The following ASTN2 variants were observed in gnomAD, a reference collection of about 807,000 sequenced individuals.
ASTN2 encodes the protein astrotactin-2.
ASTN2 carries 54 observed loss-of-function variants against 139.8 expected under a neutral mutation model. The observed-to-expected ratio is 0.39, with a 90% CI of 0.31 to 0.48. The LOEUF is 0.48. ASTN2 is among the 20% of genes least tolerant of loss of function. The probability of loss-of-function intolerance (pLI) is 0.95; values close to 1 mark genes in which losing one functional copy is unlikely to be tolerated. For synonymous variants in ASTN2, 756 were observed against 719.5 expected (o/e 1.05, Z -0.81); for missense variants, 1,565 against 1,725.1 (o/e 0.91, Z 1.64).
At position 116,425,591 on chromosome 9, in the gene ASTN2, T is replaced by G. The variant is rs868701077; in HGVS notation, c.*260A>C. On this transcript the variant is annotated 3_prime_UTR_variant, in exon 23 of 23. Transcript: ENST00000313400. Reference sequence around the variant, plus strand: ...TGACAGCCATCCATAAGAAAAGGTTTAAAAAGGAGAGACTTTTGATAGAGT... The same window carrying G: ...TGACAGCCATCCATAAGAAAAGGTTGAAAAAGGAGAGACTTTTGATAGAGT... 18 of 1,613,308 alleles carry G rather than the reference T, an allele frequency of 1.1e-5. No individual in the cohort carries two copies. The Admixed American group carries it at 2.8e-4, about 25-fold the overall frequency.
chr9:117,078,056 G>C (rs569079863), intron 5 of ASTN2, among the ~76,000 whole-genome samples: 1 of 152,142 alleles, frequency 6.6e-6, no homozygotes, highest in Non-Finnish European at 1.5e-5. Flanking sequence ...CTTCTGTAAA[G>C]AGTCAATGCG....
At chr9:117,048,965 T>A (rs2132664551) in intron 5 of ASTN2, among the ~76,000 whole-genome samples, 1 of 128,348 alleles carries the variant, frequency 7.8e-6, no homozygotes, top group Non-Finnish European at 1.7e-5. Flanking sequence ...ATCCATTGCT[T>A]TTTTTTTTTT....
chr9:117,237,991 G>T (rs1833094413), intron 2 of ASTN2, among the ~76,000 whole-genome samples: 1 of 152,170 alleles, frequency 6.6e-6, no homozygotes, highest in African/African-American at 2.4e-5. Context: ...CAAGGAGGCT[G>T]ACACTGGGGC....
At chr9:116,464,632 A>T (rs1848597016) in intron 20 of ASTN2, among the ~76,000 whole-genome samples, 1 of 152,164 alleles carries the variant, frequency 6.6e-6, no homozygotes, top group African/African-American at 2.4e-5. Flanking sequence ...CATGTTGCAT[A>T]TATGGGAGTG....
At chr9:117,313,005 A>G (rs984489653) in intron 1 of ASTN2, among the ~76,000 whole-genome samples, 1 of 152,238 alleles carries the variant, frequency 6.6e-6, no homozygotes, top group African/African-American at 2.4e-5. Flanking sequence ...GTTTATTTAC[A>G]CGGCTTCACT....
intron 3 of ASTN2, among the ~76,000 whole-genome samples, chr9:117,213,969 G>A (rs909676366): frequency 8.1e-4 from 124 of 152,284 alleles, no homozygotes; most frequent in African/African-American, 2.9e-3. Flanking sequence ...TTTGGACATG[G>A]GGGACCGTGA....
At chr9:116,783,592 A>T (rs1015113288) in intron 13 of ASTN2, among the ~76,000 whole-genome samples, 10 of 152,160 alleles carry the variant, frequency 6.6e-5, no homozygotes, top group Non-Finnish European at 1.5e-4. Flanking sequence ...GTTCACCTAG[A>T]CAATGAAGCA....
chr9:116,875,024 A>G (rs192953537), intron 10 of ASTN2, among the ~76,000 whole-genome samples: 1 of 152,328 alleles, frequency 6.6e-6, no homozygotes, highest in Admixed American at 6.5e-5. Flanking sequence ...CAATATTGAA[A>G]TCAGGCCTAT....
chr9:116,485,127 T>C (rs1025296511), intron 20 of ASTN2, among the ~76,000 whole-genome samples: 6 of 152,224 alleles, frequency 3.9e-5, no homozygotes, highest in South Asian at 4.1e-4. Context: ...AACAGCAACA[T>C]TGATAATAGC....
intron 10 of ASTN2, among the ~76,000 whole-genome samples, chr9:116,919,538 C>T (rs1834539083): frequency 6.6e-6 from 1 of 152,054 alleles, no homozygotes; most frequent in African/African-American, 2.4e-5. Context: ...GTTTCATGGA[C>T]CTATGAATTT....
intron 16 of ASTN2, among the ~76,000 whole-genome samples, chr9:116,676,619 T>C (rs565163478): frequency 6.6e-5 from 10 of 152,348 alleles, no homozygotes; most frequent in African/African-American, 2.4e-4. Flanking sequence ...GCTCATGTCA[T>C]AGTTAGCCAT....
At chr9:116,436,632 C>T (rs1248273555) in intron 22 of ASTN2, among the ~76,000 whole-genome samples, 2 of 151,978 alleles carry the variant, frequency 1.3e-5, no homozygotes, top group African/African-American at 2.4e-5. Flanking sequence ...TGTGACAGAG[C>T]AAATGGGCGG....
At chr9:117,393,325 C>A (rs1391375158) in intron 1 of ASTN2, among the ~76,000 whole-genome samples, 2 of 151,856 alleles carry the variant, frequency 1.3e-5, no homozygotes, top group Admixed American at 6.6e-5. Context: ...TTGTTGGGGA[C>A]AGAGAGACAG....
At chr9:116,470,315 G>T (rs1045807372) in intron 20 of ASTN2, among the ~76,000 whole-genome samples, 3 of 152,192 alleles carry the variant, frequency 2.0e-5, no homozygotes, top group African/African-American at 7.2e-5. Flanking sequence ...CTGTGAAGGG[G>T]AAGAGCGCAT....
intron 19 of ASTN2, among the ~76,000 whole-genome samples, chr9:116,493,889 G>C (rs1333381361): frequency 4.6e-5 from 7 of 152,170 alleles, no homozygotes; most frequent in Non-Finnish European, 1.0e-4. Context: ...GAAACACCAA[G>C]AGGATTTAGG....
chr9:116,912,979 C>T (rs960575567), intron 10 of ASTN2, among the ~76,000 whole-genome samples: 6 of 151,636 alleles, frequency 4.0e-5, no homozygotes, highest in Non-Finnish European at 5.9e-5. Flanking sequence ...GCTCGGCTCA[C>T]GGCAACCTCT....
intron 2 of ASTN2, among the ~76,000 whole-genome samples, chr9:117,230,184 T>G (rs200306599): frequency 2.7e-5 from 2 of 74,348 alleles, no homozygotes; most frequent in African/African-American, 1.1e-4. Context: ...TTCTTCAGGC[T>G]GAAAAAAAAA....
At position 116,698,241 on chromosome 9, in the gene ASTN2, A is replaced by C. The variant is rs1430666860; in HGVS notation, c.2806+27530T>G. ...ACTTATGGGGGAGCTGCAGCGGCGG[A>C]AGGCAGCCTTGGAAGGTGTCTCCAA... On this transcript the variant is annotated intron_variant, in intron 16 of 22. Coordinates refer to ENST00000313400, the MANE Select transcript of ASTN2 (RefSeq NM_001365068.1). This position sits in a 1 kb window ranked among gnomAD's most constrained non-coding sequence, Gnocchi z 4.4. 6.2e-7 allele frequency: 1 copy of C among 1,614,140 alleles called. No homozygotes were observed. Among genetic ancestry groups the C allele is most frequent in the Non-Finnish European group, 8.5e-7 (1 of 1,180,044 alleles).
intron 1 of ASTN2, among the ~76,000 whole-genome samples, chr9:117,402,434 T>C (rs1830859390): frequency 6.6e-6 from 1 of 152,164 alleles, no homozygotes; most frequent in Non-Finnish European, 1.5e-5. Context: ...AGGAAAACGA[T>C]GAAGAATGAC....
Sources: gnomAD v4.1 joint callset for allele counts (sites outside exome capture counted in the v4.1 genomes callset) on GRCh38, gnomAD v4.1.1 for gene constraint, Gnocchi (gnomAD v3.1) non-coding constraint, MANE v1.5 for transcripts, NCBI Gene and HGNC (gene_info 2026-07-23, HGNC 2026-07-21) for gene names.